ABCA13: variants seen among roughly 807,000 people sequenced by gnomAD.
ABCA13 encodes the protein ATP-binding cassette sub-family A member 13.
In ABCA13, 476 loss-of-function variants were observed where a neutral mutation model predicts 478.7. The ratio of observed to expected loss-of-function variants is 0.99; its 90% CI spans 0.92 to 1.07. The LOEUF (loss-of-function observed/expected upper bound fraction) is 1.07, where lower values mean the gene tolerates loss of function less well. ABCA13 is among the 50% of genes least tolerant of loss of function. ABCA13 has a pLI of 0.00. For synonymous variants in ABCA13, 2,252 were observed against 2,158.9 expected (o/e 1.04, Z -1.20); for missense variants, 6,060 against 5,910.6 (o/e 1.03, Z -0.83).
chr7:48,246,541 T>G (rs1226324488), intron 13 of ABCA13, among the ~76,000 whole-genome samples: 1 of 152,244 alleles, frequency 6.6e-6, no homozygotes. Flanking sequence ...TTCTTCTTAC[T>G]GAGAATTAAA....
chr7:48,426,504 A>G (rs1341255342), intron 41 of ABCA13, among the ~76,000 whole-genome samples: 2 of 152,170 alleles, frequency 1.3e-5, no homozygotes, highest in Non-Finnish European at 2.9e-5. Context: ...GAAGTGAGGC[A>G]GGGTGCTCAG....
intron 42 of ABCA13, among the ~76,000 whole-genome samples, chr7:48,442,883 C>T (rs75262218): frequency 0.3 from 45,002 of 151,788 alleles, 6,683 homozygotes; most frequent in East Asian, 0.37. Context: ...TTTTATTGGC[C>T]TTCTAGCTGT....
intron 15 of ABCA13, among the ~76,000 whole-genome samples, chr7:48,261,048 A>G (rs1197188651): frequency 2.0e-5 from 3 of 151,924 alleles, no homozygotes; most frequent in Non-Finnish European, 2.9e-5. Context: ...GCATAAAAAC[A>G]TAAATTTGAA....
intron 45 of ABCA13, among the ~76,000 whole-genome samples, chr7:48,476,847 G>A (rs369449600): frequency 2.6e-5 from 4 of 152,180 alleles, no homozygotes. Context: ...CATGAAGTGG[G>A]AAAGGAAAGA....
chr7:48,395,946 C>A (rs1816777477), intron 38 of ABCA13, among the ~76,000 whole-genome samples: 1 of 152,118 alleles, frequency 6.6e-6, no homozygotes, highest in Admixed American at 6.5e-5. Flanking sequence ...CAAGGGTCAG[C>A]TGTGTGTATA....
chr7:48,644,795 T>G, intron 61 of ABCA13, 41 bp downstream of exon 61: 1 of 1,523,318 alleles, frequency 6.6e-7, no homozygotes, highest in Non-Finnish European at 8.8e-7. Flanking sequence ...AATTTTGGTC[T>G]GTTCATCAGA....
intron 42 of ABCA13, among the ~76,000 whole-genome samples, chr7:48,429,376 A>G (rs1172400354): frequency 6.6e-6 from 1 of 152,192 alleles, no homozygotes; most frequent in Non-Finnish European, 1.5e-5. Flanking sequence ...CACACCTTAC[A>G]TTCCCACCAG....
At chr7:48,312,905 C>G (rs1801979607) in intron 24 of ABCA13, among the ~76,000 whole-genome samples, 162 bp from the exon 25 acceptor site, 1 of 152,226 alleles carries the variant, frequency 6.6e-6, no homozygotes, top group Non-Finnish European at 1.5e-5. Flanking sequence ...GCTATATATA[C>G]TCTAATGAAG....
chr7:48,254,831 TG>T (rs1037691716), intron 15 of ABCA13, among the ~76,000 whole-genome samples: 61 of 152,290 alleles, frequency 4.0e-4, no homozygotes, highest in African/African-American at 1.4e-3. Context: ...CAGCTGTCTG[TG>T]AATTTCAGTT....
At chr7:48,249,378 A>G (rs1792185134) in intron 15 of ABCA13, 27 bp downstream of exon 15, 2 of 1,609,670 alleles carry the variant, frequency 1.2e-6, no homozygotes, top group Non-Finnish European at 1.7e-6. Context: ...AACTACAGGA[A>G]TGGGGGATGC....
At chr7:48,533,728 C>T (rs1585726123) in intron 55 of ABCA13, among the ~76,000 whole-genome samples, 1 of 151,802 alleles carries the variant, frequency 6.6e-6, no homozygotes, top group African/African-American at 2.4e-5. Flanking sequence ...TGGGCTAGTC[C>T]TTTTGTCATT....
intron 41 of ABCA13, among the ~76,000 whole-genome samples, chr7:48,421,885 G>A (rs1820784599): frequency 6.6e-6 from 1 of 151,610 alleles, no homozygotes; most frequent in Non-Finnish European, 1.5e-5. Flanking sequence ...TGAGAAACTC[G>A]ACTTACTCAT....
At chr7:48,444,272 C>T (rs1823998861) in intron 42 of ABCA13, among the ~76,000 whole-genome samples, 1 of 152,166 alleles carries the variant, frequency 6.6e-6, no homozygotes, top group Admixed American at 6.5e-5. Context: ...GCTCTCTCCC[C>T]TTTACAGCCA....
intron 59 of ABCA13, among the ~76,000 whole-genome samples, chr7:48,625,806 C>T (rs146732466): frequency 6.6e-6 from 1 of 152,238 alleles, no homozygotes; most frequent in Non-Finnish European, 1.5e-5. Flanking sequence ...TAAGAATAAA[C>T]AGAATGCTTT....
chr7:48,249,477 A>G (rs1792200234), intron 15 of ABCA13, 126 bp downstream of exon 15: 1 of 1,241,972 alleles, frequency 8.1e-7, no homozygotes, highest in East Asian at 2.4e-5. Context: ...TCCAAGCACA[A>G]TTTGGCATTG....
chr7:48,416,446 A>G (rs143806978), intron 41 of ABCA13, among the ~76,000 whole-genome samples: 4 of 152,256 alleles, frequency 2.6e-5, no homozygotes, highest in Admixed American at 6.5e-5. Context: ...TTGACCATGC[A>G]TGGTGCTCCC....
intron 34 of ABCA13, 73 bp downstream of exon 34, chr7:48,374,489 T>C (rs1813151069): frequency 1.5e-6 from 2 of 1,344,938 alleles, no homozygotes; most frequent in Admixed American, 4.2e-5. Flanking sequence ...ATATTGCAAG[T>C]GATCCAGTAG....
At chr7:48,511,278 CT>C (rs1189295888) in intron 51 of ABCA13, 79 bp downstream of exon 51, 1 of 1,130,932 alleles carries the variant, frequency 8.8e-7, no homozygotes, top group Non-Finnish European at 1.3e-6. Flanking sequence ...TTTGAACCTG[CT>C]GTCGACTTCA....
At chr7:48,320,916 G>A (rs2128908285) in intron 27 of ABCA13, among the ~76,000 whole-genome samples, 1 of 152,316 alleles carries the variant, frequency 6.6e-6, no homozygotes, top group East Asian at 1.9e-4. Context: ...AACTCTCAGT[G>A]CCATTTGGAA....
Sources: gnomAD v4.1 joint callset for allele counts (sites outside exome capture counted in the v4.1 genomes callset) on GRCh38, gnomAD v4.1.1 for gene constraint, MANE v1.5 for transcripts, NCBI Gene and HGNC (gene_info 2026-07-23, HGNC 2026-07-21) for gene names.